PIGF: variants seen among roughly 807,000 people sequenced by gnomAD.
PIGF encodes GPI ethanolamine phosphate transferase, stabilizing subunit.
Under a neutral mutation model 26.0 loss-of-function variants are expected in PIGF, and 23 were observed. The ratio of observed to expected loss-of-function variants is 0.88; its 90% CI spans 0.64 to 1.25. The LOEUF is 1.25. Among genes scored for constraint, PIGF ranks in the 50% most tolerant of loss-of-function variants. The pLI, the probability that PIGF is intolerant of heterozygous loss-of-function variation, is 0.00. For missense variants in PIGF, 278 were observed against 249.9 expected, an observed-to-expected ratio of 1.11 and a Z score of -0.76; for synonymous variants, 93 against 92.6, an observed-to-expected ratio of 1.00 and a Z score of -0.03.
intron 4 of PIGF, among the ~76,000 whole-genome samples, chr2:46,605,472 T>A (rs1670188659): frequency 6.6e-6 from 1 of 152,174 alleles, no homozygotes; most frequent in African/African-American, 2.4e-5. Flanking sequence ...ACTGAAAGTA[T>A]GATATATAAA....
At chr2:46,597,619 C>T (rs1465530708) in intron 4 of PIGF, among the ~76,000 whole-genome samples, 1 of 152,120 alleles carries the variant, frequency 6.6e-6, no homozygotes, top group African/African-American at 2.4e-5. Context: ...ACCTTGTTGG[C>T]CAGGCTGGTC....
intron 5 of PIGF, among the ~76,000 whole-genome samples, chr2:46,586,015 C>T (rs1443257329): frequency 6.6e-6 from 1 of 152,154 alleles, no homozygotes; most frequent in Non-Finnish European, 1.5e-5. Flanking sequence ...ACCTCGTGAT[C>T]CGTCTGCCTC....
In PIGF at chr2:46,598,122, T is replaced by C. The variant is rs535462778; in HGVS notation, c.438-5539A>G. On this transcript the variant is annotated intron_variant, in intron 4 of 5. Transcript: ENST00000281382. ...TTGACTAGGGAATCTTTTCAAGTTTTGTCTCTACTTCCGTTGAGTATTTTT... is the reference window on the plus strand; with the variant it reads ...TTGACTAGGGAATCTTTTCAAGTTTCGTCTCTACTTCCGTTGAGTATTTTT... Among the ~76,000 whole-genome samples, 90 of 152,340 alleles carry C rather than the reference T, an allele frequency of 5.9e-4. No individual in the cohort carries two copies. The South Asian group carries it at 0.018, about 31-fold the overall frequency.
In PIGF at chr2:46,603,045, A is replaced by G. The variant is rs188747912; in HGVS notation, c.437+9183T>C. Among the ~76,000 whole-genome samples the G allele has an allele frequency of 3.3e-3, 496 of 152,190 alleles. 2 individuals are homozygous for G. The highest frequency in any genetic ancestry group is 0.01 in the African/African-American group (419 of 41,576). On this transcript the variant is annotated intron_variant, in intron 4 of 5. Transcript: ENST00000281382. Reference sequence around the variant, plus strand: ...GATACAAAATCAACATACAAAAATCAGTAGCATTTCTATATGCCAACAGCA... The same window carrying G: ...GATACAAAATCAACATACAAAAATCGGTAGCATTTCTATATGCCAACAGCA...
rs1369327114 is a variant in PIGF, at chr2:46,584,239, A to C, written c.547-2648T>G. On this transcript the variant is annotated intron_variant, in intron 5 of 5. Transcript: ENST00000281382. ...GCATAGTTTACTATCTACGTAAAGC[A>C]CTGAACTTTTTACCTTAGTAGTTTT... is the stretch of plus-strand genomic sequence containing the variant. 3.3e-5 allele frequency among the ~76,000 whole-genome samples: 5 copies of C among 152,308 alleles called. No individual in the cohort carries two copies. The East Asian group carries it at 9.6e-4, about 29-fold the overall frequency.
chr2:46,587,338 T>C (rs911847389), intron 5 of PIGF, among the ~76,000 whole-genome samples: 6 of 152,102 alleles, frequency 3.9e-5, no homozygotes, highest in Non-Finnish European at 4.4e-5. Flanking sequence ...AATCCTATGA[T>C]TCCTAGTTTC....
At chr2:46,616,466 G>C (rs1670632597) in intron 1 of PIGF, 1 of 152,476 alleles carries the variant, frequency 6.6e-6, no homozygotes, top group Non-Finnish European at 1.5e-5. Flanking sequence ...TCAAATGTTT[G>C]CTGAATGAAT....
chr2:46,601,128 T>C (rs572506211), intron 4 of PIGF, among the ~76,000 whole-genome samples: 1 of 152,104 alleles, frequency 6.6e-6, no homozygotes, highest in South Asian at 2.1e-4. Flanking sequence ...ATCACTGACA[T>C]TGATGTACTC....
intron 4 of PIGF, among the ~76,000 whole-genome samples, chr2:46,608,881 T>C (rs1244656848): frequency 1.3e-5 from 2 of 152,156 alleles, no homozygotes; most frequent in African/African-American, 4.8e-5. Flanking sequence ...ATTGACAGTA[T>C]ATAGGCAAAG....
intron 4 of PIGF, among the ~76,000 whole-genome samples, chr2:46,596,636 T>A (rs1288479170): frequency 6.6e-6 from 1 of 152,136 alleles, no homozygotes; most frequent in Non-Finnish European, 1.5e-5. Flanking sequence ...TCAACTCTTT[T>A]TGCTGCTTCT....
chr2:46,591,846 T>C (rs892295943), intron 5 of PIGF: 7 of 1,302,774 alleles, frequency 5.4e-6, no homozygotes, highest in African/African-American at 1.5e-5. Flanking sequence ...CTTATTGTGA[T>C]ACAAGACGAA....
chr2:46,600,770 T>C (rs951750762), intron 4 of PIGF, among the ~76,000 whole-genome samples: 4 of 152,114 alleles, frequency 2.6e-5, no homozygotes, highest in African/African-American at 9.7e-5. Context: ...TGAAGTTTTA[T>C]GTTACTTATA....
rs772642330 is a variant in PIGF, at chr2:46,617,000, G to C, written c.-52C>G. 2.5e-4 allele frequency: 142 copies of C among 557,172 alleles called. No homozygotes were observed. The highest frequency in any genetic ancestry group is 4.1e-4 in the Non-Finnish European group (128 of 313,570). The allele number at this position is 557,172 out of a possible 1,614,324, so 34.5% of individuals were successfully genotyped here. ...TCTCCCTCCCGCGGAAGGGAAGCGG[G>C]GAACTACTGCCTCCTACCATCAGGT... On this transcript the variant is annotated 5_prime_UTR_variant, in exon 1 of 6. Transcript: ENST00000281382.
intron 5 of PIGF, among the ~76,000 whole-genome samples, chr2:46,586,238 A>G (rs1669568283): frequency 6.6e-6 from 1 of 152,228 alleles, no homozygotes; most frequent in Middle Eastern, 3.2e-3. Flanking sequence ...TCGAAGAAAC[A>G]AAATTTTAAG....
chr2:46,604,789 T>C (rs1670167145), intron 4 of PIGF, among the ~76,000 whole-genome samples: 1 of 151,942 alleles, frequency 6.6e-6, no homozygotes, highest in South Asian at 2.1e-4. Context: ...AGATCTAGTA[T>C]TTGATAGCAA....
At chr2:46,597,152 T>A (rs1397349169) in intron 4 of PIGF, among the ~76,000 whole-genome samples, 1 of 152,290 alleles carries the variant, frequency 6.6e-6, no homozygotes, top group African/African-American at 2.4e-5. Context: ...ATCTTGTGAA[T>A]TCCCTTTGCC....
intron 4 of PIGF, among the ~76,000 whole-genome samples, chr2:46,602,955 T>C (rs1440410162): frequency 6.6e-6 from 1 of 151,954 alleles, no homozygotes; most frequent in Admixed American, 6.6e-5. Context: ...TAATCGTGTA[T>C]TTGGAAAAAC....
chr2:46,583,901 A>C (rs1669485282), intron 5 of PIGF, among the ~76,000 whole-genome samples: 1 of 152,228 alleles, frequency 6.6e-6, no homozygotes, highest in Non-Finnish European at 1.5e-5. Flanking sequence ...ATAGAGAATT[A>C]GTTCTAAAGT....
chr2:46,591,672 C>T, intron 5 of PIGF: 1 of 1,020,798 alleles, frequency 9.8e-7, no homozygotes, highest in East Asian at 7.7e-5. Context: ...TATATAATGG[C>T]ATACTACAAA....
Sources: gnomAD v4.1 joint callset for allele counts (sites outside exome capture counted in the v4.1 genomes callset) on GRCh38, gnomAD v4.1.1 for gene constraint, MANE v1.5 for transcripts, NCBI Gene and HGNC (gene_info 2026-07-23, HGNC 2026-07-21) for gene names.